Variants in CDKN2B-AS1 observed in about 807,000 individuals in gnomAD.
CDKN2B-AS1 encodes the protein CDKN2B antisense RNA 1 (non-protein coding).
chr9:22,113,347 T>TCC (rs1825852676), intron 4 of CDKN2B-AS1, among the ~76,000 whole-genome samples: 1 of 152,198 alleles, frequency 6.6e-6, no homozygotes, highest in African/African-American at 2.4e-5. Flanking sequence ...ATCTCTGACT[T>TCC]CCCTTTCTGT....
In CDKN2B-AS1 at chr9:22,064,433, T is replaced by A. The variant is rs144500113; in HGVS notation, n.438+8046T>A. 2.4e-3 allele frequency among the ~76,000 whole-genome samples: 364 copies of A among 152,146 alleles called. 3 individuals carry two copies. Among genetic ancestry groups the A allele is most frequent in the African/African-American group, 8.4e-3 (347 of 41,488 alleles). On this transcript the variant is annotated intron_variant and non_coding_transcript_variant, in intron 4 of 4. Coordinates refer to ENST00000650946, the Ensembl canonical transcript of CDKN2B-AS1. ...GGTCTTTCACATAAAGGAAGAAGGT[T>A]TCAGAAGGCATAGTGGTATGAAAAG...
chr9:22,099,084 T>G (rs535610061), intron 4 of CDKN2B-AS1, among the ~76,000 whole-genome samples: 1 of 152,320 alleles, frequency 6.6e-6, no homozygotes, highest in South Asian at 2.1e-4. Flanking sequence ...TTCATGGCAG[T>G]TTTCCCAGAG....
chr9:22,003,887 T>A (rs184884421), intron 1 of CDKN2B-AS1: 335 of 232,320 alleles, frequency 1.4e-3, no homozygotes, highest in African/African-American at 4.4e-3. Context: ...TGCTTTTTTT[T>A]AAAAAAAGTT....
intron 1 of CDKN2B-AS1, among the ~76,000 whole-genome samples, chr9:22,028,955 C>T (rs1014549625): frequency 2.6e-5 from 4 of 152,048 alleles, no homozygotes; most frequent in African/African-American, 9.7e-5. Context: ...TACAATTTAG[C>T]ATCTCCATAT....
chr9:22,007,232 C>G (rs992198534), intron 1 of CDKN2B-AS1, among the ~76,000 whole-genome samples: 1 of 152,076 alleles, frequency 6.6e-6, no homozygotes, highest in Non-Finnish European at 1.5e-5. Context: ...CATGGTGGGG[C>G]GTGCCTGTAG....
intron 4 of CDKN2B-AS1, among the ~76,000 whole-genome samples, chr9:22,108,119 C>A (rs1309329509): frequency 1.3e-5 from 2 of 152,104 alleles, no homozygotes; most frequent in African/African-American, 4.8e-5. Flanking sequence ...TTAGTTTGGG[C>A]CTTCTATCTC....
At chr9:22,111,596 T>A (rs1825806557) in intron 4 of CDKN2B-AS1, among the ~76,000 whole-genome samples, 1 of 147,932 alleles carries the variant, frequency 6.8e-6, no homozygotes, top group African/African-American at 2.5e-5. Flanking sequence ...ATGTGACATT[T>A]TTCCTTTAGG....
intron 1 of CDKN2B-AS1, among the ~76,000 whole-genome samples, chr9:22,028,053 C>T (rs1163515617): frequency 1.3e-5 from 2 of 152,050 alleles, no homozygotes; most frequent in Non-Finnish European, 2.9e-5. Context: ...AATCTAATCA[C>T]ATAGAGACTT....
At chr9:22,010,586 T>C (rs1821449272) in intron 1 of CDKN2B-AS1, among the ~76,000 whole-genome samples, 1 of 152,154 alleles carries the variant, frequency 6.6e-6, no homozygotes, top group Admixed American at 6.6e-5. Flanking sequence ...GCTCTTTCTT[T>C]TAAAGGCAGT....
chr9:22,003,747 T>C (rs781434887), intron 1 of CDKN2B-AS1: 9 of 231,862 alleles, frequency 3.9e-5, no homozygotes, highest in Non-Finnish European at 6.8e-5. Context: ...TTTATAGGTG[T>C]GTTGGGGGGG....
At chr9:22,013,501 G>T (rs1821603685) in intron 1 of CDKN2B-AS1, among the ~76,000 whole-genome samples, 1 of 151,994 alleles carries the variant, frequency 6.6e-6, no homozygotes, top group Admixed American at 6.5e-5. Flanking sequence ...GACCAGGCTG[G>T]AGTGCAATAC....
chr9:22,017,199 C>T (rs181139582), intron 1 of CDKN2B-AS1, among the ~76,000 whole-genome samples: 17 of 152,070 alleles, frequency 1.1e-4, no homozygotes, highest in South Asian at 4.2e-4. Flanking sequence ...GGCCGAGGCG[C>T]GCAGATCACA....
chr9:22,082,533 T>A (rs755157097), intron 4 of CDKN2B-AS1, among the ~76,000 whole-genome samples: 1 of 152,176 alleles, frequency 6.6e-6, no homozygotes, highest in Non-Finnish European at 1.5e-5. Flanking sequence ...CCAAAATTTG[T>A]TGAATGAAGG....
intron 1 of CDKN2B-AS1, among the ~76,000 whole-genome samples, chr9:22,018,972 G>A (rs1455585478): frequency 6.6e-6 from 1 of 152,130 alleles, no homozygotes; most frequent in Non-Finnish European, 1.5e-5. Context: ...TTTGAGTTGA[G>A]GTCTGCAGTA....
At chr9:22,029,201 G>T (rs949041428) in intron 1 of CDKN2B-AS1, among the ~76,000 whole-genome samples, 2 of 152,142 alleles carry the variant, frequency 1.3e-5, no homozygotes, top group African/African-American at 4.8e-5. Context: ...TTGGTAGACA[G>T]TGGTTGAGAA....
At chr9:22,077,804 G>A (rs1824554127) in intron 4 of CDKN2B-AS1, 3 of 152,250 alleles carry the variant, frequency 2.0e-5, no homozygotes, top group South Asian at 4.1e-4. Context: ...TGTCTCTACT[G>A]TAATTTGAGG....
intron 4 of CDKN2B-AS1, among the ~76,000 whole-genome samples, chr9:22,126,687 C>G (rs1333823331): frequency 6.6e-6 from 1 of 151,646 alleles, no homozygotes; most frequent in Non-Finnish European, 1.5e-5. Context: ...ATTCTCCTGC[C>G]TCAGCCTCCC....
intron 1 of CDKN2B-AS1, among the ~76,000 whole-genome samples, chr9:22,022,915 G>A (rs572862762): frequency 1.3e-5 from 2 of 152,230 alleles, no homozygotes; most frequent in Admixed American, 6.5e-5. Context: ...AAAATTCTGG[G>A]TTGGAGTTTC....
chr9:22,017,019 T>G (rs1352279339), intron 1 of CDKN2B-AS1, among the ~76,000 whole-genome samples: 3 of 152,260 alleles, frequency 2.0e-5, no homozygotes, highest in African/African-American at 4.8e-5. Flanking sequence ...AATCTTTGAT[T>G]TCTGGTATGA....
Sources: allele counts gnomAD v4.1 joint callset (sites outside exome capture counted in the v4.1 genomes callset), GRCh38; gene constraint gnomAD v4.1.1; transcripts MANE v1.5; gene names NCBI Gene and HGNC (gene_info 2026-07-23, HGNC 2026-07-21).